Variants in SORT1 observed in about 807,000 individuals in gnomAD.
The protein encoded by SORT1 is sortilin 1.
Under a neutral mutation model 101.7 loss-of-function variants are expected in SORT1, and 39 were observed. The ratio of observed to expected loss-of-function variants is 0.38; its 90% CI spans 0.30 to 0.50. SORT1 has a LOEUF of 0.50. Among genes scored for constraint, SORT1 ranks in the 20% least tolerant of loss-of-function variants. SORT1 has a pLI of 0.90. For missense variants in SORT1, 878 were observed against 1,040.4 expected (o/e 0.84, Z 2.15); for synonymous variants, 396 against 393.7 (o/e 1.01, Z -0.07).
chr1:109,359,204 T>C (rs1570948597), intron 3 of SORT1, among the ~76,000 whole-genome samples: 1 of 152,048 alleles, frequency 6.6e-6, no homozygotes, highest in Admixed American at 6.5e-5. Context: ...CTTGTCACTG[T>C]AACCGTACAT....
intron 1 of SORT1, among the ~76,000 whole-genome samples, chr1:109,378,752 ATATATATAT>A (rs1290364340): frequency 1.7e-4 from 13 of 77,432 alleles, no homozygotes; most frequent in African/African-American, 6.2e-4. Context: ...ATATATATAT[ATATATATAT>A]AAAGATGTTA....
intron 10 of SORT1, among the ~76,000 whole-genome samples, chr1:109,339,629 T>C (rs1649076622): frequency 1.3e-5 from 2 of 152,202 alleles, no homozygotes; most frequent in Admixed American, 1.3e-4. Flanking sequence ...TTGGAATCCT[T>C]TTGTATTGCA....
intron 1 of SORT1, among the ~76,000 whole-genome samples, 154 bp from the exon 2 acceptor site, chr1:109,369,743 G>A (rs564466213): frequency 2.0e-5 from 3 of 152,136 alleles, no homozygotes; most frequent in Non-Finnish European, 2.9e-5. Context: ...GGGAGGGATG[G>A]GATTTAACTA....
At chr1:109,374,750 G>C (rs1651713543) in intron 1 of SORT1, among the ~76,000 whole-genome samples, 1 of 151,996 alleles carries the variant, frequency 6.6e-6, no homozygotes, top group South Asian at 2.1e-4. Context: ...CCTGAGTTCA[G>C]AAGTTTGAGA....
intron 11 of SORT1, among the ~76,000 whole-genome samples, chr1:109,332,466 C>T (rs1008114586): frequency 1.2e-4 from 18 of 152,118 alleles, no homozygotes; most frequent in African/African-American, 4.1e-4. Context: ...CACCTAGCTA[C>T]TTGGGACGTG....
At chr1:109,369,115 G>T (rs1224252587) in intron 2 of SORT1, among the ~76,000 whole-genome samples, 1 of 152,152 alleles carries the variant, frequency 6.6e-6, no homozygotes, top group Non-Finnish European at 1.5e-5. Context: ...GAGGTCAGGC[G>T]TTCAAGACCA....
intron 7 of SORT1, among the ~76,000 whole-genome samples, chr1:109,347,048 A>G (rs527807898): frequency 6.6e-6 from 1 of 152,264 alleles, no homozygotes; most frequent in African/African-American, 2.4e-5. Context: ...CCATCCTTAG[A>G]ACAGTGTTTA....
chr1:109,363,990 G>A (rs186316380), intron 3 of SORT1, among the ~76,000 whole-genome samples: 2 of 152,246 alleles, frequency 1.3e-5, no homozygotes, highest in Admixed American at 6.5e-5. Context: ...TACAGTTTCC[G>A]CCTAAACTCT....
chr1:109,348,408 C>T (rs1483740950), intron 6 of SORT1, among the ~76,000 whole-genome samples: 1 of 150,370 alleles, frequency 6.7e-6, no homozygotes, highest in Non-Finnish European at 1.5e-5. Context: ...AAAAAAAAAA[C>T]ATGTTACAAA....
At chr1:109,363,738 C>T (rs377511132) in intron 3 of SORT1, among the ~76,000 whole-genome samples, 165 of 152,158 alleles carry the variant, frequency 1.1e-3, no homozygotes, top group South Asian at 6.4e-3. Context: ...GATGGTCTAA[C>T]GAATAATATA....
Position 109,309,679 on chromosome 1 carries a change from C to T in SORT1, c.*4364G>A, listed in dbSNP as rs1378507278. On this transcript the variant is annotated 3_prime_UTR_variant, in exon 20 of 20. Transcript: ENST00000256637. Reference sequence around the variant, plus strand: ...CACATTCAGATTTATTTACACAATGCTAAAGAAATTTGAGTTTTATTTCCA... The same window carrying T: ...CACATTCAGATTTATTTACACAATGTTAAAGAAATTTGAGTTTTATTTCCA... 1 of 152,140 alleles carries T rather than the reference C, an allele frequency of 6.6e-6. No homozygotes were observed. The highest frequency in any genetic ancestry group is 1.5e-5 in the Non-Finnish European group (1 of 68,030). The allele number at this position is 152,140 out of a possible 1,614,324, so 9.4% of individuals were successfully genotyped here. A position where few individuals can be genotyped will look rare whatever the true frequency, so the allele number is the denominator to read the frequency against.
chr1:109,313,905 T>A lies in SORT1; in HGVS notation c.*138A>T. On this transcript the variant is annotated 3_prime_UTR_variant, in exon 20 of 20. Transcript: ENST00000256637. ...CCCTGCATTTCTTTAGTGTAGGTCC[T>A]TTTGGCTTTGATGGAAGCAGCAGAA... 12 of 629,864 alleles carry A rather than the reference T, an allele frequency of 1.9e-5. No individual in the cohort carries two copies. The highest frequency in any genetic ancestry group is 3.9e-4 in the Middle Eastern group (1 of 2,586). The allele number at this position is 629,864 out of a possible 1,614,324, so 39.0% of individuals were successfully genotyped here. A position where few individuals can be genotyped will look rare whatever the true frequency, so the allele number is the denominator to read the frequency against.
In SORT1 at chr1:109,315,748, CT is replaced by C. The variant is rs553898685; in HGVS notation, c.2251-971del. On this transcript the variant is annotated intron_variant, in intron 17 of 19. Coordinates refer to ENST00000256637, the MANE Select transcript of SORT1 (RefSeq NM_002959.7). ...ACAGATTTGGATGCAGCCTCATAAC[CT>C]TTTTTTTTTTTTTTTTTTTTTAAAT... Among the ~76,000 whole-genome samples the C allele has an allele frequency of 5.2e-3, 652 of 124,710 alleles. 1 individual carries two copies. The highest frequency in any genetic ancestry group is 0.012 in the African/African-American group (383 of 33,238). The allele number at this position is 124,710 out of a possible 152,430, so 81.8% of individuals were successfully genotyped here.
At chr1:109,322,142 T>C (rs763805614) in intron 15 of SORT1, among the ~76,000 whole-genome samples, 2 of 152,012 alleles carry the variant, frequency 1.3e-5, no homozygotes, top group South Asian at 2.1e-4. Context: ...CTCATCATAT[T>C]GCCCAAGCTG....
chr1:109,362,846 C>T (rs1303187182), intron 3 of SORT1, among the ~76,000 whole-genome samples: 1 of 151,388 alleles, frequency 6.6e-6, no homozygotes. Flanking sequence ...TGGAATTTAT[C>T]CCAACCTTGT....
intron 8 of SORT1, among the ~76,000 whole-genome samples, chr1:109,343,887 G>C (rs1276656340): frequency 6.6e-6 from 1 of 152,168 alleles, no homozygotes; most frequent in Non-Finnish European, 1.5e-5. Context: ...CTGACCTCAA[G>C]TGATTTGCTC....
chr1:109,388,058 A>AT (rs1039986678), intron 1 of SORT1, among the ~76,000 whole-genome samples: 12 of 151,200 alleles, frequency 7.9e-5, no homozygotes, highest in Admixed American at 2.6e-4. Flanking sequence ...CAAGTAGTAC[A>AT]TTTTTTTTTC....
intron 1 of SORT1, among the ~76,000 whole-genome samples, chr1:109,394,812 C>T (rs567702357): frequency 3.0e-4 from 46 of 152,224 alleles, no homozygotes; most frequent in African/African-American, 1.1e-3. Flanking sequence ...AATAAGAGAA[C>T]CATGAACTTT....
At chr1:109,356,337 A>G (rs919414901) in intron 3 of SORT1, among the ~76,000 whole-genome samples, 4 of 152,200 alleles carry the variant, frequency 2.6e-5, no homozygotes, top group African/African-American at 7.2e-5. Flanking sequence ...AGAAACCCCA[A>G]TGATGCAGTA....
Sources: allele counts gnomAD v4.1 joint callset (sites outside exome capture counted in the v4.1 genomes callset), GRCh38; gene constraint gnomAD v4.1.1; transcripts MANE v1.5; gene names NCBI Gene and HGNC (gene_info 2026-07-23, HGNC 2026-07-21).